Variants in GRM4 observed in about 807,000 individuals in gnomAD.
GRM4 encodes metabotropic glutamate receptor 4.
In GRM4, 28 loss-of-function variants were observed where a neutral mutation model predicts 81.7. The observed-to-expected ratio is 0.34, with a 90% CI of 0.25 to 0.47. The LOEUF is 0.47. Among genes scored for constraint, GRM4 ranks in the 20% least tolerant of loss-of-function variants. The pLI is 1.00. For synonymous variants in GRM4, 488 were observed against 528.8 expected (o/e 0.92, Z 1.06); for missense variants, 948 against 1,290.0 (o/e 0.73, Z 4.06).
chr6:34,026,784 G>A (rs1222320879), intron 10 of GRM4, among the ~76,000 whole-genome samples: 1 of 152,160 alleles, frequency 6.6e-6, no homozygotes, highest in Non-Finnish European at 1.5e-5. Flanking sequence ...ACCCTTTGGG[G>A]CCAGGGTGTC....
At chr6:34,029,985 CACAG>C (rs1354278927) in intron 9 of GRM4, among the ~76,000 whole-genome samples, 2 of 152,226 alleles carry the variant, frequency 1.3e-5, no homozygotes, top group African/African-American at 2.4e-5. Context: ...CCGCTCCAGA[CACAG>C]ACAGGCCTCC....
rs1766065609 is a variant in GRM4, at chr6:34,059,295, C to T, written c.873-167G>A. 4.6e-6 allele frequency: 3 copies of T among 649,336 alleles called. No individual in the cohort carries two copies. Among genetic ancestry groups the T allele is most frequent in the African/African-American group, 1.8e-5 (1 of 55,352 alleles). The allele number at this position is 649,336 out of a possible 1,614,324, so 40.2% of individuals were successfully genotyped here. ...CCAAGCCATGGATTCCCCCTACCCG[C>T]TGCCCTCACCTGCTCATAGACCCAT... On this transcript the variant is annotated intron_variant, in intron 4 of 10. Coordinates refer to ENST00000538487, the MANE Select transcript of GRM4 (RefSeq NM_000841.4). This position sits in a 1 kb window ranked among gnomAD's most constrained non-coding sequence, Gnocchi z 5.7.
chr6:34,031,631 G>A (rs936147421), intron 9 of GRM4, among the ~76,000 whole-genome samples: 8 of 152,172 alleles, frequency 5.3e-5, no homozygotes, highest in South Asian at 2.1e-4. Flanking sequence ...CTGCAGCCAC[G>A]TCCTGCCCAA....
chr6:34,148,331 C>A (rs1483406280), upstream of GRM4, among the ~76,000 whole-genome samples: 2 of 152,088 alleles, frequency 1.3e-5, no homozygotes, highest in Non-Finnish European at 2.9e-5. Flanking sequence ...TGGGTCGTGG[C>A]TGACTTGACT....
At chr6:34,054,609 G>C (rs1362433736) in intron 6 of GRM4, 2 of 152,220 alleles carry the variant, frequency 1.3e-5, no homozygotes, top group Admixed American at 1.3e-4. Context: ...TACAGGAACT[G>C]ACCAAAGCCT....
Position 34,021,584 on chromosome 6 carries a change from C to G in GRM4, c.*1237G>C, listed in dbSNP as rs1293616781. 6.6e-6 allele frequency: 1 copy of G among 152,292 alleles called. No individual in the cohort carries two copies. The highest frequency in any genetic ancestry group is 1.5e-5 in the Non-Finnish European group (1 of 68,146). The allele number at this position is 152,292 out of a possible 1,614,324, so 9.4% of individuals were successfully genotyped here. A position where few individuals can be genotyped will look rare whatever the true frequency, so the allele number is the denominator to read the frequency against. ...CCTCCCAGGGCTGCAGGGCAGGGGA[C>G]AGAGCATACCCCCTAATTAGGGGAC... is the stretch of plus-strand genomic sequence containing the variant. On this transcript the variant is annotated 3_prime_UTR_variant, in exon 11 of 11. Coordinates refer to ENST00000538487, the MANE Select transcript of GRM4 (RefSeq NM_000841.4). This position sits in a 1 kb window ranked among gnomAD's most constrained non-coding sequence, Gnocchi z 5.3.
chr6:34,075,561 C>T (rs1361388587), intron 3 of GRM4, among the ~76,000 whole-genome samples: 1 of 152,228 alleles, frequency 6.6e-6, no homozygotes, highest in Non-Finnish European at 1.5e-5. Context: ...CTGGCACTTG[C>T]CATCCTCCAC....
At chr6:34,127,998 C>T (rs1312471875) in intron 2 of GRM4, among the ~76,000 whole-genome samples, 3 of 152,152 alleles carry the variant, frequency 2.0e-5, no homozygotes, top group Non-Finnish European at 4.4e-5. Context: ...CAACATGGGA[C>T]GAGGGGAGGG....
upstream of GRM4, among the ~76,000 whole-genome samples, chr6:34,149,508 G>A (rs1294712968): frequency 1.3e-5 from 2 of 152,358 alleles, no homozygotes; most frequent in East Asian, 3.9e-4. Flanking sequence ...CAGGCACTGA[G>A]GAGGAGCCAT....
chr6:34,139,199 G>A (rs974403720), intron 1 of GRM4, among the ~76,000 whole-genome samples: 9 of 152,186 alleles, frequency 5.9e-5, no homozygotes, highest in Admixed American at 3.9e-4. Context: ...GCCTCCTGAT[G>A]TCAGAAATCC....
chr6:34,116,112 AC>A (rs1267479908), intron 2 of GRM4, among the ~76,000 whole-genome samples: 1 of 152,114 alleles, frequency 6.6e-6, no homozygotes, highest in Non-Finnish European at 1.5e-5. Flanking sequence ...TAATTCAACA[AC>A]CCCCGGACTA....
chr6:34,109,417 G>A (rs1391772070), intron 2 of GRM4, among the ~76,000 whole-genome samples: 1 of 143,018 alleles, frequency 7.0e-6, no homozygotes, highest in Non-Finnish European at 1.5e-5. Context: ...CCAGGCCTCA[G>A]TGGGTCCCTG....
chr6:34,118,686 G>A (rs1345415050), intron 2 of GRM4, among the ~76,000 whole-genome samples: 3 of 152,206 alleles, frequency 2.0e-5, no homozygotes, highest in Non-Finnish European at 4.4e-5. Flanking sequence ...GAAATGCCCA[G>A]AAGCCGCCTA....
At chr6:34,088,374 G>A (rs985805721) in intron 3 of GRM4, among the ~76,000 whole-genome samples, 25 of 152,134 alleles carry the variant, frequency 1.6e-4, no homozygotes, top group Admixed American at 1.3e-3. Context: ...CGCCTGCCTC[G>A]GCCTCCCAAA....
At position 34,114,183 on chromosome 6, in the gene GRM4, C is replaced by T. The variant is rs143817412; in HGVS notation, c.519+18795G>A. On this transcript the variant is annotated intron_variant, in intron 2 of 10. Transcript: ENST00000538487. The surrounding 1 kb of genome is among the most constrained non-coding windows in gnomAD (Gnocchi z 4.3). ...CCCCTCCACAGCACCTGTCCCCACT[C>T]ATGTAAGTGATTACATCATGTCTCC... 6.6e-3 allele frequency among the ~76,000 whole-genome samples: 1,010 copies of T among 152,338 alleles called. 5 individuals are homozygous for T. Among genetic ancestry groups the T allele is most frequent in the Middle Eastern group, 0.044 (13 of 294 alleles).
rs1238793951 is a variant in GRM4 at position 34,090,654 on chromosome 6, C to T, written c.736+1229G>A. ...CCCCACTTCCCGCCGCCCCGCTGCC[C>T]CCTCCACCAGGTGGAGGCCCCCAAG... is the stretch of plus-strand genomic sequence containing the variant. On this transcript the variant is annotated intron_variant, in intron 3 of 10. Coordinates refer to ENST00000538487, the MANE Select transcript of GRM4 (RefSeq NM_000841.4). The surrounding 1 kb of genome is among the most constrained non-coding windows in gnomAD (Gnocchi z 5.2). Among the ~76,000 whole-genome samples the T allele has an allele frequency of 6.6e-6, 1 of 152,040 alleles. No individual in the cohort carries two copies. The highest frequency in any genetic ancestry group is 1.5e-5 in the Non-Finnish European group (1 of 67,994).
At chr6:34,024,385 C>A in intron 10 of GRM4, 1 of 261,008 alleles carries the variant, frequency 3.8e-6, no homozygotes, top group Non-Finnish European at 7.7e-6. Context: ...AATGGAGCAA[C>A]AAGATGGAAG....
At position 34,028,203 on chromosome 6, in the gene GRM4, ATGG is replaced by A; in HGVS notation, c.2603_2605del (p.Thr868del). ...GCCCTTCTGCGTGAACTTGTTGGAC[ATGG>A]TGGCCGCCGTAACGACGGCTTTGAG... is the stretch of plus-strand genomic sequence containing the variant. On this transcript the variant is annotated inframe_deletion, in exon 10 of 11. Coordinates refer to ENST00000538487, the MANE Select transcript of GRM4 (RefSeq NM_000841.4). 3.7e-6 allele frequency: 6 copies of A among 1,613,958 alleles called. No individual in the cohort carries two copies. The highest frequency in any genetic ancestry group is 5.1e-6 in the Non-Finnish European group (6 of 1,179,994).
rs1371147482 is a variant in GRM4, at chr6:34,036,997, C to T, written c.1507-394G>A. 6.6e-6 allele frequency among the ~76,000 whole-genome samples: 1 copy of T among 152,202 alleles called. No homozygotes were observed. The highest frequency in any genetic ancestry group is 1.5e-5 in the Non-Finnish European group (1 of 68,036). On this transcript the variant is annotated intron_variant, in intron 8 of 10. Coordinates refer to ENST00000538487, the MANE Select transcript of GRM4 (RefSeq NM_000841.4). The surrounding 1 kb of genome is among the most constrained non-coding windows in gnomAD (Gnocchi z 9.0). ...TGGTCCCCAGGGCGGCAGCAGCAGC[C>T]TCACCCAGGAGCTTGTTGGAAAGGC... is the stretch of plus-strand genomic sequence containing the variant.
Sources: gnomAD v4.1 joint callset for allele counts (sites outside exome capture counted in the v4.1 genomes callset) on GRCh38, gnomAD v4.1.1 for gene constraint, Gnocchi (gnomAD v3.1) non-coding constraint, MANE v1.5 for transcripts, NCBI Gene and HGNC (gene_info 2026-07-23, HGNC 2026-07-21) for gene names.